BCAS1: variants seen among roughly 807,000 people sequenced by gnomAD.
BCAS1 encodes brain enriched myelin associated protein 1.
BCAS1 carries 46 observed loss-of-function variants against 65.4 expected under a neutral mutation model. The ratio of observed to expected loss-of-function variants is 0.70; its 90% CI spans 0.55 to 0.90. The LOEUF is 0.90. Among genes scored for constraint, BCAS1 ranks in the 40% least tolerant of loss-of-function variants. The probability of loss-of-function intolerance (pLI) is 0.00; values close to 1 mark genes in which losing one functional copy is unlikely to be tolerated. For synonymous variants in BCAS1, 298 were observed against 293.5 expected (o/e 1.02, Z -0.16); for missense variants, 793 against 771.2 (o/e 1.03, Z -0.33).
rs137874648 is a variant in BCAS1 at position 54,063,180 on chromosome 20, C to T, written c.-5-4457G>A. ...GCCCAGTGCTGAAGCTCTATGTAGA[C>T]ATCAGTGTAGCACATAGGATAGGAA... On this transcript the variant is annotated intron_variant, in intron 1 of 12. Coordinates refer to ENST00000688948, the MANE Select transcript of BCAS1 (RefSeq NM_001366298.2). 6.0e-4 allele frequency among the ~76,000 whole-genome samples: 91 copies of T among 152,316 alleles called. 1 individual carries two copies. Among genetic ancestry groups the T allele is most frequent in the African/African-American group, 2.1e-3 (89 of 41,572 alleles).
At chr20:54,001,740 A>G (rs1220091916) in intron 4 of BCAS1, among the ~76,000 whole-genome samples, 1 of 152,224 alleles carries the variant, frequency 6.6e-6, no homozygotes, top group African/African-American at 2.4e-5. Context: ...GATTTGAGTA[A>G]TAAAAAAGTT....
intron 3 of BCAS1, among the ~76,000 whole-genome samples, chr20:54,042,033 G>T (rs891376907): frequency 6.6e-6 from 1 of 151,594 alleles, no homozygotes; most frequent in African/African-American, 2.4e-5. Flanking sequence ...AACACTGTAA[G>T]TCTAACTTCC....
intron 1 of BCAS1, among the ~76,000 whole-genome samples, chr20:54,061,259 T>C (rs2092373475): frequency 6.6e-6 from 1 of 152,196 alleles, no homozygotes; most frequent in Admixed American, 6.5e-5. Context: ...ATGTTCTGCA[T>C]ATTACTAGCT....
intron 10 of BCAS1, among the ~76,000 whole-genome samples, chr20:53,962,911 C>T (rs920563015): frequency 6.6e-6 from 1 of 152,090 alleles, no homozygotes; most frequent in East Asian, 2.0e-4. Flanking sequence ...AGTGCAGTGG[C>T]GCGATCTCAG....
chr20:54,003,667 C>T (rs2091115868), intron 4 of BCAS1, among the ~76,000 whole-genome samples: 1 of 152,150 alleles, frequency 6.6e-6, no homozygotes, highest in Non-Finnish European at 1.5e-5. Flanking sequence ...ACATATTCTA[C>T]AAGGGTTTCA....
intron 8 of BCAS1, among the ~76,000 whole-genome samples, chr20:53,976,213 C>G (rs1032139016): frequency 4.6e-5 from 7 of 152,266 alleles, no homozygotes; most frequent in African/African-American, 1.7e-4. Context: ...TTGCATCTTT[C>G]TTTTGGTGGT....
At chr20:53,983,873 A>AGT (rs1465116284) in intron 8 of BCAS1, among the ~76,000 whole-genome samples, 2 of 151,958 alleles carry the variant, frequency 1.3e-5, no homozygotes, top group East Asian at 3.9e-4. Flanking sequence ...GGCTCTCTGT[A>AGT]CCTAGCTCTG....
intron 4 of BCAS1, among the ~76,000 whole-genome samples, chr20:54,024,382 G>A (rs2091625604): frequency 6.6e-6 from 1 of 152,190 alleles, no homozygotes; most frequent in Non-Finnish European, 1.5e-5. Flanking sequence ...GTCATTGTTA[G>A]GCGATGAATG....
intron 1 of BCAS1, among the ~76,000 whole-genome samples, chr20:54,060,129 CCT>C (rs1256689744): frequency 1.3e-5 from 2 of 152,228 alleles, no homozygotes; most frequent in Non-Finnish European, 2.9e-5. Flanking sequence ...GGGCATGAAT[CCT>C]CTCTCTGCCC....
intron 9 of BCAS1, among the ~76,000 whole-genome samples, chr20:53,971,314 G>C (rs561265119): frequency 6.6e-6 from 1 of 152,268 alleles, no homozygotes; most frequent in African/African-American, 2.4e-5. Context: ...CTTATTGAAG[G>C]GACTGCTGCT....
intron 11 of BCAS1, among the ~76,000 whole-genome samples, chr20:53,953,932 C>G (rs1398769010): frequency 6.6e-6 from 1 of 152,162 alleles, no homozygotes; most frequent in Admixed American, 6.5e-5. Context: ...CCAGAAAGCA[C>G]TCTTTATCCC....
chr20:54,060,479 T>C (rs1435583128), intron 1 of BCAS1, among the ~76,000 whole-genome samples: 15 of 102,652 alleles, frequency 1.5e-4, no homozygotes, highest in African/African-American at 4.1e-4. Flanking sequence ...CACCAGACTA[T>C]TTTTTTTTTT....
At chr20:54,045,451 T>C (rs973209421) in intron 3 of BCAS1, among the ~76,000 whole-genome samples, 5 of 152,080 alleles carry the variant, frequency 3.3e-5, no homozygotes, top group African/African-American at 1.2e-4. Context: ...TATTAATGGA[T>C]GTGCTGGGAA....
chr20:54,017,551 A>G (rs147317787), intron 4 of BCAS1, among the ~76,000 whole-genome samples: 58 of 152,110 alleles, frequency 3.8e-4, no homozygotes, highest in African/African-American at 1.4e-3. Flanking sequence ...GTGCACCACC[A>G]TGCTTGGCTA....
chr20:53,969,819 C>T (rs973224133), intron 9 of BCAS1, among the ~76,000 whole-genome samples: 2 of 152,310 alleles, frequency 1.3e-5, no homozygotes, highest in African/African-American at 2.4e-5. Flanking sequence ...CAAAGACTTG[C>T]ACCAAATAAA....
intron 4 of BCAS1, among the ~76,000 whole-genome samples, chr20:54,007,446 C>T (rs963044210): frequency 6.6e-6 from 1 of 152,174 alleles, no homozygotes; most frequent in Non-Finnish European, 1.5e-5. Context: ...GGAGAAAGAA[C>T]CCTACTGGAG....
intron 9 of BCAS1, among the ~76,000 whole-genome samples, chr20:53,972,865 G>C (rs1343677388): frequency 6.6e-6 from 1 of 152,170 alleles, no homozygotes; most frequent in Non-Finnish European, 1.5e-5. Flanking sequence ...AAGAGGTGTG[G>C]CCTGAAGATG....
At chr20:54,016,266 T>C (rs2091436107) in intron 4 of BCAS1, among the ~76,000 whole-genome samples, 1 of 152,218 alleles carries the variant, frequency 6.6e-6, no homozygotes, top group Admixed American at 6.5e-5. Context: ...ATACTGGAAA[T>C]TTTTTAAAGC....
At chr20:54,022,512 G>A (rs1379417393) in intron 4 of BCAS1, among the ~76,000 whole-genome samples, 1 of 152,168 alleles carries the variant, frequency 6.6e-6, no homozygotes, top group East Asian at 1.9e-4. Context: ...CCCTAGGGCA[G>A]GTAGTAGCTT....
Sources: allele counts gnomAD v4.1 joint callset (sites outside exome capture counted in the v4.1 genomes callset), GRCh38; gene constraint gnomAD v4.1.1; transcripts MANE v1.5; gene names NCBI Gene and HGNC (gene_info 2026-07-23, HGNC 2026-07-21).